NKAIN2: variants seen among roughly 807,000 people sequenced by gnomAD.
NKAIN2 encodes sodium/potassium transporting ATPase interacting 2.
A neutral mutation model predicts 32.6 loss-of-function variants in NKAIN2; 14 were observed. The ratio of observed to expected loss-of-function variants is 0.43; its 90% CI spans 0.28 to 0.67. The LOEUF (loss-of-function observed/expected upper bound fraction) is 0.67, where lower values mean the gene tolerates loss of function less well. NKAIN2 is among the 30% of genes least tolerant of loss of function. NKAIN2 has a pLI of 0.17. For missense variants in NKAIN2, 198 were observed against 258.3 expected (o/e 0.77, Z 1.60); for synonymous variants, 80 against 87.2 (o/e 0.92, Z 0.46).
chr6:124,166,539 A>G (rs1788552166), intron 1 of NKAIN2, among the ~76,000 whole-genome samples: 1 of 150,226 alleles, frequency 6.7e-6, no homozygotes, highest in African/African-American at 2.4e-5. Flanking sequence ...CCATTTGTCA[A>G]TTTTGTCTTT....
At chr6:124,632,627 CAGTA>C (rs1783614410) in intron 3 of NKAIN2, among the ~76,000 whole-genome samples, 1 of 152,140 alleles carries the variant, frequency 6.6e-6, no homozygotes, top group African/African-American at 2.4e-5. Context: ...ACCTTTCCAC[CAGTA>C]GCCTCTTGGC....
In NKAIN2 at chr6:124,104,239, C is replaced by A. The variant is rs1207519952; in HGVS notation, c.55-178766C>A. On this transcript the variant is annotated intron_variant, in intron 1 of 6. Coordinates refer to ENST00000368417, the MANE Select transcript of NKAIN2 (RefSeq NM_001040214.3). Reference sequence around the variant, plus strand: ...CAAATTTATAACCTTTTTTGTCTTGCTAAGTTTCAGATTCAGTATCTTCAT... The same window carrying A: ...CAAATTTATAACCTTTTTTGTCTTGATAAGTTTCAGATTCAGTATCTTCAT... Among the ~76,000 whole-genome samples the A allele has an allele frequency of 2.0e-5, 3 of 152,118 alleles. No individual in the cohort carries two copies. The East Asian group carries it at 5.8e-4, about 29-fold the overall frequency.
At chr6:124,357,245 A>G (rs1160838996) in intron 3 of NKAIN2, among the ~76,000 whole-genome samples, 2 of 152,188 alleles carry the variant, frequency 1.3e-5, no homozygotes, top group Non-Finnish European at 2.9e-5. Flanking sequence ...CCTAAAAAAA[A>G]ACCATAAAGG....
intron 1 of NKAIN2, among the ~76,000 whole-genome samples, chr6:124,000,461 G>C (rs1335626949): frequency 2.0e-5 from 3 of 151,978 alleles, no homozygotes; most frequent in African/African-American, 7.2e-5. Context: ...TATAGTAAGA[G>C]TTTGAGAACT....
At chr6:124,337,924 G>A (rs1418062418) in intron 2 of NKAIN2, among the ~76,000 whole-genome samples, 1 of 152,180 alleles carries the variant, frequency 6.6e-6, no homozygotes, top group African/African-American at 2.4e-5. Flanking sequence ...GTCACTTTCA[G>A]CTGCTGCAAG....
At chr6:124,555,862 A>T (rs942374568) in intron 3 of NKAIN2, among the ~76,000 whole-genome samples, 11 of 152,340 alleles carry the variant, frequency 7.2e-5, no homozygotes, top group Admixed American at 2.6e-4. Flanking sequence ...TCAAAAGCAG[A>T]CTGAGAAGGA....
chr6:124,102,019 G>A (rs1040982617), intron 1 of NKAIN2, among the ~76,000 whole-genome samples: 2 of 152,186 alleles, frequency 1.3e-5, no homozygotes, highest in Admixed American at 6.5e-5. Flanking sequence ...CAACACTCAC[G>A]CAGGTGGCAA....
intron 1 of NKAIN2, among the ~76,000 whole-genome samples, chr6:123,938,121 G>A (rs912367166): frequency 1.3e-5 from 2 of 151,774 alleles, no homozygotes; most frequent in Admixed American, 1.3e-4. Flanking sequence ...TCAAGCTACT[G>A]CTAGCTGAAT....
intron 1 of NKAIN2, among the ~76,000 whole-genome samples, chr6:124,181,323 A>T (rs887282083): frequency 2.6e-5 from 4 of 151,876 alleles, no homozygotes; most frequent in African/African-American, 9.7e-5. Flanking sequence ...ATGGGAGGGG[A>T]TTCCATGAAG....
rs533291428 is a variant in NKAIN2 at position 124,714,360 on chromosome 6, A to C, written c.474+55974A>C. Among the ~76,000 whole-genome samples, 18 of 152,372 alleles carry C rather than the reference A, an allele frequency of 1.2e-4. 1 individual carries two copies. Among genetic ancestry groups the C allele is most frequent in the African/African-American group, 3.1e-4 (13 of 41,590 alleles). ...ATTAAATGATTAATGAATCTGTCATATCAACTAGGACACTTGCTAATTATT... is the reference window on the plus strand; with the variant it reads ...ATTAAATGATTAATGAATCTGTCATCTCAACTAGGACACTTGCTAATTATT... On this transcript the variant is annotated intron_variant, in intron 4 of 6. Coordinates refer to ENST00000368417, the MANE Select transcript of NKAIN2 (RefSeq NM_001040214.3).
chr6:124,125,230 C>T (rs1190154969), intron 1 of NKAIN2, among the ~76,000 whole-genome samples: 2 of 152,046 alleles, frequency 1.3e-5, no homozygotes, highest in Non-Finnish European at 2.9e-5. Context: ...AGTTTCAAGT[C>T]AGTTCTCTCT....
intron 2 of NKAIN2, among the ~76,000 whole-genome samples, chr6:124,345,987 C>T (rs1199189055): frequency 6.6e-6 from 1 of 152,038 alleles, no homozygotes; most frequent in South Asian, 2.1e-4. Context: ...ATAAATTTCC[C>T]TCTACACACT....
chr6:124,650,005 A>T (rs1284795193), intron 3 of NKAIN2, among the ~76,000 whole-genome samples: 2 of 152,180 alleles, frequency 1.3e-5, no homozygotes, highest in Non-Finnish European at 2.9e-5. Context: ...AACTTCCTCC[A>T]CTGGATAAAG....
intron 4 of NKAIN2, among the ~76,000 whole-genome samples, chr6:124,677,805 ATCTT>A (rs1259698939): frequency 6.6e-6 from 1 of 152,008 alleles, no homozygotes; most frequent in Non-Finnish European, 1.5e-5. Flanking sequence ...TTTACCCATG[ATCTT>A]TCTATTTTCA....
chr6:124,620,265 G>A (rs1043116798), intron 3 of NKAIN2, among the ~76,000 whole-genome samples: 2 of 152,024 alleles, frequency 1.3e-5, no homozygotes, highest in African/African-American at 4.8e-5. Context: ...CACATACAGG[G>A]TAATCTTATT....
chr6:124,289,510 G>A (rs182269441), intron 2 of NKAIN2, among the ~76,000 whole-genome samples: 161 of 152,238 alleles, frequency 1.1e-3, no homozygotes, highest in African/African-American at 3.5e-3. Flanking sequence ...AAAAGATTAC[G>A]ACACAGCAAC....
intron 3 of NKAIN2, among the ~76,000 whole-genome samples, chr6:124,391,402 G>A (rs1468117448): frequency 6.6e-6 from 1 of 152,076 alleles, no homozygotes; most frequent in Non-Finnish European, 1.5e-5. Context: ...AGGACCTTTT[G>A]AAGTCCAGGG....
chr6:123,945,725 T>G (rs1777032345), intron 1 of NKAIN2, among the ~76,000 whole-genome samples: 1 of 152,166 alleles, frequency 6.6e-6, no homozygotes, highest in African/African-American at 2.4e-5. Context: ...GAGTTACCCT[T>G]GGAAGTGTAC....
intron 2 of NKAIN2, among the ~76,000 whole-genome samples, chr6:124,347,261 T>G (rs572479467): frequency 1.3e-5 from 2 of 151,948 alleles, no homozygotes; most frequent in East Asian, 1.9e-4. Context: ...TCTGGCTGCC[T>G]TTAACATTTT....
Sources: gnomAD v4.1 joint callset for allele counts (sites outside exome capture counted in the v4.1 genomes callset) on GRCh38, gnomAD v4.1.1 for gene constraint, MANE v1.5 for transcripts, NCBI Gene and HGNC (gene_info 2026-07-23, HGNC 2026-07-21) for gene names.